SPG21: variants seen among roughly 807,000 people sequenced by gnomAD.
SPG21 encodes maspardin.
A neutral mutation model predicts 38.9 loss-of-function variants in SPG21; 26 were observed. That is an observed-to-expected ratio of 0.67 (90% CI 0.49 to 0.93). The LOEUF (loss-of-function observed/expected upper bound fraction) is 0.93. Among genes scored for constraint, SPG21 ranks in the 40% least tolerant of loss-of-function variants. The pLI is 0.00. For missense variants in SPG21, 333 were observed against 376.5 expected, an observed-to-expected ratio of 0.88 and a Z score of 0.96; for synonymous variants, 136 against 128.9, an observed-to-expected ratio of 1.05 and a Z score of -0.37.
intron 2 of SPG21, chr15:64,983,284 A>G: frequency 7.7e-6 from 2 of 258,542 alleles, no homozygotes; most frequent in Non-Finnish European, 1.5e-5. Context: ...AAATAAATAA[A>G]TAAATAAAAA....
At chr15:64,982,394 C>T (rs767765184) in intron 2 of SPG21, among the ~76,000 whole-genome samples, 13 of 152,128 alleles carry the variant, frequency 8.5e-5, no homozygotes, top group Non-Finnish European at 1.6e-4. Context: ...AATCTTCCTG[C>T]CTCGGCCTTC....
In SPG21 at chr15:64,975,263, G is replaced by A. The variant is rs546463115; in HGVS notation, c.307-516C>T. Among the ~76,000 whole-genome samples, 15 of 150,036 alleles carry A rather than the reference G, an allele frequency of 1.0e-4. 1 individual carries two copies. In the South Asian group the frequency reaches 2.9e-3, roughly 29 times the overall value. On this transcript the variant is annotated intron_variant, in intron 4 of 8. Transcript: ENST00000204566. ...AGATCGCACCACTGCACTCCAGCCT[G>A]GGCAACAGAGCGAGACTCCGTCTTA...
At position 64,963,489 on chromosome 15, in the gene SPG21, C is replaced by G; in HGVS notation, c.*131G>C. On this transcript the variant is annotated 3_prime_UTR_variant, in exon 9 of 9. Coordinates refer to ENST00000204566, the MANE Select transcript of SPG21 (RefSeq NM_016630.7). ...GCCTGTCATGAAGATGACCATCAGT[C>G]CTACTTCCCAGACACAGTGAGAACC... The G allele has an allele frequency of 2.7e-6, 2 of 733,522 alleles. No homozygotes were observed. Among genetic ancestry groups the G allele is most frequent in the Non-Finnish European group, 4.9e-6 (2 of 409,242 alleles). 45.4% of individuals were successfully genotyped at this position (733,522 alleles called of 1,614,324 possible). A position where few individuals can be genotyped will look rare whatever the true frequency, so the allele number is the denominator to read the frequency against.
chr15:64,982,142 C>CTTTTTTTTTTTT (rs56118434), intron 2 of SPG21, among the ~76,000 whole-genome samples: 56 of 114,582 alleles, frequency 4.9e-4, no homozygotes, highest in South Asian at 7.9e-4. Context: ...CTTTTCTTTT[C>CTTTTTTTTTTTT]TTTTTTTTTT....
chr15:64,981,981 G>C (rs2085893645), intron 2 of SPG21, among the ~76,000 whole-genome samples: 1 of 152,046 alleles, frequency 6.6e-6, no homozygotes, highest in African/African-American at 2.4e-5. Flanking sequence ...CACTAACCAG[G>C]GTCACTGGCA....
At chr15:64,965,507 C>T (rs758875406) in intron 7 of SPG21, 47 bp from the exon 8 acceptor site, 5 of 1,613,128 alleles carry the variant, frequency 3.1e-6, no homozygotes, top group South Asian at 2.2e-5. Flanking sequence ...GTAAAACACA[C>T]ACACACATAC....
intron 2 of SPG21, chr15:64,982,955 C>G (rs1273734242): frequency 6.4e-6 from 1 of 156,452 alleles, no homozygotes; most frequent in African/African-American, 2.4e-5. Context: ...TATGTAAAAG[C>G]AATTATAAAA....
chr15:64,974,723 C>T lies in SPG21; in HGVS notation c.331G>A (p.Gly111Arg), dbSNP rs1165885049. The change falls in exon 5 of 9, where the codon GGA (glycine) becomes AGA (arginine). Residue 111 changes from glycine (G) to arginine (R), a missense_variant. Coordinates refer to ENST00000204566, the MANE Select transcript of SPG21 (RefSeq NM_016630.7). Reference sequence around the variant, plus strand: ...GCAAATTTCTGGGCCAAAAAGCCTCCCAAAGAAGCGCCAAAAAGATGAACC... The same window carrying T: ...GCAAATTTCTGGGCCAAAAAGCCTCTCAAAGAAGCGCCAAAAAGATGAACC... Reference protein sequence around the residue: ...DKVHLFGASLGGFLAQKFAEY... With the variant: ...DKVHLFGASLRGFLAQKFAEY... 1.9e-6 allele frequency: 3 copies of T among 1,613,948 alleles called. No individual in the cohort carries two copies. The highest frequency in any genetic ancestry group is 2.5e-6 in the Non-Finnish European group (3 of 1,179,990).
chr15:64,980,590 T>C (rs1421250142), intron 3 of SPG21, among the ~76,000 whole-genome samples: 1 of 151,784 alleles, frequency 6.6e-6, no homozygotes, highest in Non-Finnish European at 1.5e-5. Context: ...TACAAAAAAT[T>C]AGCTGGGCGT....
intron 8 of SPG21, among the ~76,000 whole-genome samples, chr15:64,964,868 G>A (rs2085513207): frequency 3.3e-5 from 5 of 152,120 alleles, no homozygotes; most frequent in Admixed American, 3.3e-4. Flanking sequence ...CTGACCTTGT[G>A]ATCTGCCTGC....
At chr15:64,976,357 G>A (rs1457272449) in intron 4 of SPG21, 118 bp downstream of exon 4, 28 of 673,996 alleles carry the variant, frequency 4.2e-5, no homozygotes, top group Non-Finnish European at 7.2e-5. Flanking sequence ...TCCGGGAGGT[G>A]GAGGTTGCGG....
intron 3 of SPG21, among the ~76,000 whole-genome samples, chr15:64,978,550 A>G (rs146529731): frequency 6.6e-6 from 1 of 152,328 alleles, no homozygotes; most frequent in East Asian, 1.9e-4. Flanking sequence ...AATCACTGGA[A>G]TGGATACTGC....
intron 5 of SPG21, among the ~76,000 whole-genome samples, chr15:64,973,238 G>C (rs2085706566): frequency 6.6e-6 from 1 of 152,136 alleles, no homozygotes; most frequent in Non-Finnish European, 1.5e-5. Flanking sequence ...CAAAGTGTTG[G>C]GAGTACGGCA....
intron 8 of SPG21, among the ~76,000 whole-genome samples, chr15:64,964,672 C>G (rs894415391): frequency 5.3e-5 from 8 of 151,900 alleles, no homozygotes; most frequent in African/African-American, 1.9e-4. Flanking sequence ...GTTCTGTTGC[C>G]CAGGCTGGAG....
intron 8 of SPG21, among the ~76,000 whole-genome samples, chr15:64,964,648 T>C (rs1310648300): frequency 6.6e-6 from 1 of 152,022 alleles, no homozygotes; most frequent in African/African-American, 2.4e-5. Flanking sequence ...TCTTTTTTTT[T>C]GAGACGGAGT....
At chr15:64,972,566 C>T (rs1424522186) in intron 5 of SPG21, among the ~76,000 whole-genome samples, 1 of 152,254 alleles carries the variant, frequency 6.6e-6, no homozygotes, top group African/African-American at 2.4e-5. Context: ...GGCACAGTGG[C>T]TCATGCCTGT....
At chr15:64,964,787 C>G (rs188339646) in intron 8 of SPG21, among the ~76,000 whole-genome samples, 1 of 151,888 alleles carries the variant, frequency 6.6e-6, no homozygotes, top group African/African-American at 2.4e-5. Flanking sequence ...TGCACCACCA[C>G]GTCCAGCTAA....
At chr15:64,975,383 C>A (rs2085755308) in intron 4 of SPG21, among the ~76,000 whole-genome samples, 2 of 151,220 alleles carry the variant, frequency 1.3e-5, no homozygotes, top group Non-Finnish European at 2.9e-5. Flanking sequence ...CAAAAATTAG[C>A]CAGGCATGGT....
chr15:64,974,877 A>T, intron 4 of SPG21, 130 bp from the exon 5 acceptor site: 1 of 1,016,740 alleles, frequency 9.8e-7, no homozygotes, highest in Non-Finnish European at 1.5e-6. Context: ...AAATATTTAC[A>T]GCAGCTAGAA....
Sources: gnomAD v4.1 joint callset for allele counts (sites outside exome capture counted in the v4.1 genomes callset) on GRCh38, gnomAD v4.1.1 for gene constraint, MANE v1.5 for transcripts, NCBI Gene and HGNC (gene_info 2026-07-23, HGNC 2026-07-21) for gene names.